The following MORC1 variants were observed in gnomAD, a reference collection of about 807,000 sequenced individuals.
The protein encoded by MORC1 is MORC family CW-type zinc finger 1.
A neutral mutation model predicts 134.9 loss-of-function variants in MORC1; 59 were observed. The observed-to-expected ratio is 0.44, with a 90% CI of 0.35 to 0.54. The LOEUF (loss-of-function observed/expected upper bound fraction) is 0.54. Among genes scored for constraint, MORC1 ranks in the 20% least tolerant of loss-of-function variants. MORC1 has a pLI of 0.00. For synonymous variants in MORC1, 395 were observed against 391.7 expected (o/e 1.01, Z -0.10); for missense variants, 947 against 1,134.5 (o/e 0.83, Z 2.37).
chr3:109,055,482 A>G lies in MORC1; in HGVS notation c.1176-600T>C, dbSNP rs111263624. Among the ~76,000 whole-genome samples, 315 of 152,202 alleles carry G rather than the reference A, an allele frequency of 2.1e-3. 3 individuals are homozygous for G. The highest frequency in any genetic ancestry group is 6.7e-3 in the African/African-American group (278 of 41,520). On this transcript the variant is annotated intron_variant, in intron 13 of 27. Transcript: ENST00000232603. ...ACGGCACATGTGTCAAAGCCTCACA[A>G]TTTGGGGTCCCTGCCTATAGTGTTT...
intron 12 of MORC1, among the ~76,000 whole-genome samples, chr3:109,058,546 GA>G (rs1559926736): frequency 6.6e-6 from 1 of 151,886 alleles, no homozygotes; most frequent in East Asian, 1.9e-4. Flanking sequence ...TATCATTAAA[GA>G]ACAATGATAA....
intron 13 of MORC1, among the ~76,000 whole-genome samples, chr3:109,056,817 T>C (rs1257138753): frequency 6.6e-6 from 1 of 152,192 alleles, no homozygotes; most frequent in Non-Finnish European, 1.5e-5. Context: ...TGTGCGTCTC[T>C]TCAGGACTCT....
chr3:109,061,519 T>C lies in MORC1; in HGVS notation c.966+469A>G, dbSNP rs185191343. ...AAGCATTCTTATTAATATTCATAAT[T>C]ACAGTATATAATTCCTAGCACTAGA... On this transcript the variant is annotated intron_variant, in intron 11 of 27. Transcript: ENST00000232603. Among the ~76,000 whole-genome samples the C allele has an allele frequency of 1.3e-3, 191 of 152,292 alleles. 1 individual carries two copies. Among genetic ancestry groups the C allele is most frequent in the Admixed American group, 0.012 (176 of 15,298 alleles).
intron 9 of MORC1, 94 bp downstream of exon 9, chr3:109,069,538 A>T: frequency 8.1e-7 from 1 of 1,228,964 alleles, no homozygotes; most frequent in Non-Finnish European, 1.1e-6. Flanking sequence ...AAATCTTACT[A>T]TCAAAGTCAA....
intron 27 of MORC1, 73 bp from the exon 28 acceptor site, chr3:108,959,193 C>A: frequency 7.5e-7 from 1 of 1,325,212 alleles, no homozygotes; most frequent in South Asian, 1.5e-5. Context: ...GGGCAGCCTC[C>A]TAACAGTCTT....
At chr3:108,996,514 A>C (rs1328623473) in intron 21 of MORC1, among the ~76,000 whole-genome samples, 1 of 152,188 alleles carries the variant, frequency 6.6e-6, no homozygotes, top group South Asian at 2.1e-4. Flanking sequence ...AAGGATTAAG[A>C]TTTTGTAAAG....
chr3:109,001,835 C>G (rs145997533), intron 20 of MORC1, among the ~76,000 whole-genome samples: 1 of 152,292 alleles, frequency 6.6e-6, no homozygotes, highest in Non-Finnish European at 1.5e-5. Flanking sequence ...ATGTATATGA[C>G]TTTTCTCTTG....
chr3:109,012,530 G>C (rs1398416174), intron 17 of MORC1, among the ~76,000 whole-genome samples: 2 of 152,052 alleles, frequency 1.3e-5, no homozygotes, highest in African/African-American at 4.8e-5. Flanking sequence ...TAGCAATGTT[G>C]ACTCTTCAAA....
chr3:109,020,392 T>G (rs1046194613), intron 17 of MORC1, among the ~76,000 whole-genome samples: 10 of 152,100 alleles, frequency 6.6e-5, no homozygotes, highest in African/African-American at 2.4e-4. Context: ...CCTTACACCC[T>G]GGTTAGAATG....
chr3:109,038,633 T>A (rs1167182317), intron 14 of MORC1, among the ~76,000 whole-genome samples: 1 of 152,218 alleles, frequency 6.6e-6, no homozygotes. Flanking sequence ...AAGGAAGGGA[T>A]CCACTTTCGG....
chr3:109,043,052 C>T (rs1225096648), intron 14 of MORC1, among the ~76,000 whole-genome samples: 1 of 151,734 alleles, frequency 6.6e-6, no homozygotes, highest in Non-Finnish European at 1.5e-5. Flanking sequence ...TTGAAAATTG[C>T]TTTTAAAAAA....
chr3:108,972,429 G>C lies in MORC1; in HGVS notation c.2478-1027C>G, dbSNP rs1371960584. Reference sequence around the variant, plus strand: ...ACAATTTATATTCCCCATACTTTAAGTATATTATTTGTATTAATACATATT... The same window carrying C: ...ACAATTTATATTCCCCATACTTTAACTATATTATTTGTATTAATACATATT... On this transcript the variant is annotated intron_variant, in intron 24 of 27. Coordinates refer to ENST00000232603, the MANE Select transcript of MORC1 (RefSeq NM_014429.4). Among the ~76,000 whole-genome samples the C allele has an allele frequency of 1.3e-5, 2 of 152,110 alleles. 1 individual carries two copies. The highest frequency in any genetic ancestry group is 4.8e-5 in the African/African-American group (2 of 41,418).
rs1427536920 is a variant in MORC1 at position 108,963,616 on chromosome 3, T to C, written c.2605-8A>G. The C allele has an allele frequency of 2.0e-6, 3 of 1,512,968 alleles. No homozygotes were observed. Among genetic ancestry groups the C allele is most frequent in the South Asian group, 1.2e-5 (1 of 80,830 alleles). 93.7% of individuals were successfully genotyped at this position (1,512,968 alleles called of 1,614,324 possible). A position where few individuals can be genotyped will look rare whatever the true frequency, so the allele number is the denominator to read the frequency against. On this transcript the variant is annotated splice_region_variant and splice_polypyrimidine_tract_variant and intron_variant, in intron 26 of 27. Coordinates refer to ENST00000232603, the MANE Select transcript of MORC1 (RefSeq NM_014429.4). ...CATGTAAGTATTCTGTATCTGGGAA[T>C]GTTTTAAAAACAGTTTTAGCATGTT... is the stretch of plus-strand genomic sequence containing the variant.
chr3:109,072,129 G>A (rs1227948965), intron 8 of MORC1, among the ~76,000 whole-genome samples: 2 of 152,118 alleles, frequency 1.3e-5, no homozygotes, highest in African/African-American at 2.4e-5. Context: ...AATGGGCCAC[G>A]TCATTATAAA....
intron 3 of MORC1, among the ~76,000 whole-genome samples, chr3:109,108,053 C>T (rs554157166): frequency 3.3e-5 from 5 of 152,016 alleles, no homozygotes; most frequent in South Asian, 4.2e-4. Context: ...AAAACTTAGC[C>T]GGGTGTGTGC....
chr3:108,982,658 A>T (rs1947767422), intron 23 of MORC1, among the ~76,000 whole-genome samples: 1 of 151,414 alleles, frequency 6.6e-6, no homozygotes, highest in South Asian at 2.1e-4. Context: ...GCAGCAAACC[A>T]ACATGGCACA....
rs1559856603 is a variant in MORC1 at position 108,963,403 on chromosome 3, T to G, written c.2799+11A>C. ...CTACTCCTACTGCTCAAATACAACT[T>G]TTTCACTCACCAGTTGGAGTTTCTG... is the stretch of plus-strand genomic sequence containing the variant. On this transcript the variant is annotated intron_variant, in intron 27 of 27. Coordinates refer to ENST00000232603, the MANE Select transcript of MORC1 (RefSeq NM_014429.4). 2 of 1,606,100 alleles carry G rather than the reference T, an allele frequency of 1.2e-6. No homozygotes were observed. Among genetic ancestry groups the G allele is most frequent in the Non-Finnish European group, 1.7e-6 (2 of 1,177,278 alleles).
intron 2 of MORC1, 78 bp from the exon 3 acceptor site, chr3:109,110,861 C>A (rs1951150868): frequency 9.3e-6 from 10 of 1,073,256 alleles, no homozygotes; most frequent in Middle Eastern, 2.3e-4. Flanking sequence ...TGTCAGATAT[C>A]AAACAATACA....
At chr3:109,033,760 C>T (rs558395830) in intron 15 of MORC1, among the ~76,000 whole-genome samples, 2 of 152,286 alleles carry the variant, frequency 1.3e-5, no homozygotes, top group African/African-American at 4.8e-5. Flanking sequence ...TCCTCCTCAT[C>T]ATCATCATAA....
Sources: allele counts gnomAD v4.1 joint callset (sites outside exome capture counted in the v4.1 genomes callset), GRCh38; gene constraint gnomAD v4.1.1; transcripts MANE v1.5; gene names NCBI Gene and HGNC (gene_info 2026-07-23, HGNC 2026-07-21).